The following MFHAS1 variants were observed in gnomAD, a reference collection of about 807,000 sequenced individuals.
MFHAS1 encodes multifunctional ROCO family signaling regulator 1.
A neutral mutation model predicts 70.4 loss-of-function variants in MFHAS1; 50 were observed. That is an observed-to-expected ratio of 0.71 (90% CI 0.57 to 0.90). The LOEUF (loss-of-function observed/expected upper bound fraction) is 0.90. MFHAS1 is among the 40% of genes least tolerant of loss of function. The probability of loss-of-function intolerance (pLI) is 0.00; values close to 1 mark genes in which losing one functional copy is unlikely to be tolerated. For missense variants in MFHAS1, 1,795 were observed against 1,347.6 expected, an observed-to-expected ratio of 1.33 and a Z score of -5.20; for synonymous variants, 952 against 620.0, an observed-to-expected ratio of 1.54 and a Z score of -7.96.
intron 1 of MFHAS1, among the ~76,000 whole-genome samples, chr8:8,840,773 T>G (rs1470115061): frequency 6.6e-6 from 1 of 152,208 alleles, no homozygotes; most frequent in Non-Finnish European, 1.5e-5. Flanking sequence ...TCGAATTCTA[T>G]GTACTGGATG....
intron 1 of MFHAS1, among the ~76,000 whole-genome samples, chr8:8,810,697 C>T (rs1379107270): frequency 6.6e-6 from 1 of 152,104 alleles, no homozygotes; most frequent in African/African-American, 2.4e-5. Flanking sequence ...TGATGTTATC[C>T]GTTAAGGCTT....
At chr8:8,853,715 C>A (rs964588326) in intron 1 of MFHAS1, among the ~76,000 whole-genome samples, 2 of 152,106 alleles carry the variant, frequency 1.3e-5, no homozygotes. Flanking sequence ...TACAGCTATG[C>A]GCCACCACTC....
At chr8:8,858,831 C>A (rs926942147) in intron 1 of MFHAS1, among the ~76,000 whole-genome samples, 1 of 151,980 alleles carries the variant, frequency 6.6e-6, no homozygotes, top group Non-Finnish European at 1.5e-5. Flanking sequence ...ATGATTCAGA[C>A]CAAAATAGAA....
intron 1 of MFHAS1, among the ~76,000 whole-genome samples, chr8:8,883,940 C>G (rs1304004494): frequency 1.3e-5 from 2 of 151,210 alleles, no homozygotes; most frequent in African/African-American, 4.9e-5. Context: ...GCTCACGCCT[C>G]TAATCCCAAC....
chr8:8,810,357 C>A (rs1806500357), intron 1 of MFHAS1, among the ~76,000 whole-genome samples: 3 of 152,332 alleles, frequency 2.0e-5, no homozygotes, highest in African/African-American at 7.2e-5. Context: ...CAAAGCAAGA[C>A]CGTCTTGGGA....
chr8:8,865,832 C>T (rs1358780817), intron 1 of MFHAS1, among the ~76,000 whole-genome samples: 3 of 152,150 alleles, frequency 2.0e-5, no homozygotes, highest in Non-Finnish European at 4.4e-5. Context: ...GGTCAGAAGC[C>T]TGGTTGATGT....
rs556845386 is a variant in MFHAS1, at chr8:8,889,743, T to G, written c.2998+318A>C. ...CATCGGACACTGTCCAGAATCTATCTGTTCAACCACCTGAAATTTCCTTCC... is the reference window on the plus strand; with the variant it reads ...CATCGGACACTGTCCAGAATCTATCGGTTCAACCACCTGAAATTTCCTTCC... On this transcript the variant is annotated intron_variant, in intron 1 of 2. Transcript: ENST00000276282. 5.3e-5 allele frequency among the ~76,000 whole-genome samples: 8 copies of G among 152,350 alleles called. No homozygotes were observed. In the South Asian group the frequency reaches 1.7e-3, roughly 32 times the overall value.
At chr8:8,881,182 CT>C (rs1809509419) in intron 1 of MFHAS1, among the ~76,000 whole-genome samples, 1 of 152,176 alleles carries the variant, frequency 6.6e-6, no homozygotes, top group East Asian at 1.9e-4. Flanking sequence ...TAAATTTACT[CT>C]TTTAATAAAC....
chr8:8,862,964 G>T (rs1294498377), intron 1 of MFHAS1, among the ~76,000 whole-genome samples: 1 of 152,300 alleles, frequency 6.6e-6, no homozygotes, highest in African/African-American at 2.4e-5. Flanking sequence ...TCCTTGGTAA[G>T]ACTGTATATT....
At chr8:8,822,131 C>CCT (rs1806979182) in intron 1 of MFHAS1, 1 of 152,188 alleles carries the variant, frequency 6.6e-6, no homozygotes, top group Non-Finnish European at 1.5e-5. Context: ...GCAGCCAATT[C>CCT]CTCTGTGCGG....
At chr8:8,850,555 C>G (rs1270716530) in intron 1 of MFHAS1, among the ~76,000 whole-genome samples, 1 of 152,128 alleles carries the variant, frequency 6.6e-6, no homozygotes, top group Non-Finnish European at 1.5e-5. Flanking sequence ...AATCAGAACA[C>G]CCAGGGTCGG....
At chr8:8,866,395 C>A (rs766324068) in intron 1 of MFHAS1, among the ~76,000 whole-genome samples, 1 of 151,696 alleles carries the variant, frequency 6.6e-6, no homozygotes, top group South Asian at 2.1e-4. Context: ...CTCAGCTCAC[C>A]GTAGCCTCTG....
intron 2 of MFHAS1, among the ~76,000 whole-genome samples, chr8:8,795,356 A>C (rs768722062): frequency 6.6e-6 from 1 of 152,214 alleles, no homozygotes; most frequent in Non-Finnish European, 1.5e-5. Flanking sequence ...TGTTCAGGAC[A>C]GGGGATATTC....
Position 8,892,984 on chromosome 8 carries a change from C to T in MFHAS1, c.75G>A (p.Leu25=). 6.5e-7 allele frequency: 1 copy of T among 1,538,418 alleles called. No individual in the cohort carries two copies. The part of the protein sequence containing the change: ...WRDAALRARK[L]RSNLRQLTLT... The stretch of plus-strand genomic sequence containing the variant: ...GCGTGAGCTGGCGCAGGTTGCTCCG[C>T]AGCTTCCTGGCACGCAGGGCGGCGT... The change falls in exon 1 of 3, where the codon CTG becomes CTA. Residue 25 remains leucine, a synonymous_variant. Transcript: ENST00000276282. This position sits in a 1 kb window ranked among gnomAD's most constrained non-coding sequence, Gnocchi z 4.7.
At chr8:8,860,199 C>T (rs1808608963) in intron 1 of MFHAS1, among the ~76,000 whole-genome samples, 1 of 152,150 alleles carries the variant, frequency 6.6e-6, no homozygotes, top group Non-Finnish European at 1.5e-5. Context: ...GAGCACAGAA[C>T]AAAAGATGGA....
At chr8:8,834,663 A>G (rs1318893526) in intron 1 of MFHAS1, among the ~76,000 whole-genome samples, 1 of 152,228 alleles carries the variant, frequency 6.6e-6, no homozygotes, top group Admixed American at 6.5e-5. Flanking sequence ...GGTCCACTCT[A>G]TGATGTTCAT....
intron 1 of MFHAS1, among the ~76,000 whole-genome samples, chr8:8,822,957 C>T (rs978561858): frequency 1.3e-5 from 2 of 151,988 alleles, no homozygotes; most frequent in East Asian, 1.9e-4. Context: ...AGGCTGGTGG[C>T]GGGAAGGGAG....
chr8:8,890,818 C>T lies in MFHAS1; in HGVS notation c.2241G>A (p.Leu747=), dbSNP rs749257203. 1.2e-6 allele frequency: 2 copies of T among 1,614,090 alleles called. No homozygotes were observed. The highest frequency in any genetic ancestry group is 2.7e-5 in the African/African-American group (2 of 74,936). ...TCCCTAGGAGCAGCTTATGCAGCAG[C>T]AAAGAGGGATCCCTCTGGAAGAAGA... is the stretch of plus-strand genomic sequence containing the variant. ...LNVFFQRDPS[L]LLHKLLLGTS... is the part of the protein sequence containing the mutation. Residue 747 remains leucine, a synonymous_variant, in exon 1 of 3, where the codon TTG becomes TTA. Transcript: ENST00000276282.
At chr8:8,855,273 G>C (rs1418226305) in intron 1 of MFHAS1, among the ~76,000 whole-genome samples, 1 of 152,148 alleles carries the variant, frequency 6.6e-6, no homozygotes, top group Non-Finnish European at 1.5e-5. Flanking sequence ...ATTTTATCTG[G>C]CAATCTTAAC....
Sources: gnomAD v4.1 joint callset for allele counts (sites outside exome capture counted in the v4.1 genomes callset) on GRCh38, gnomAD v4.1.1 for gene constraint, Gnocchi (gnomAD v3.1) non-coding constraint, MANE v1.5 for transcripts, NCBI Gene and HGNC (gene_info 2026-07-23, HGNC 2026-07-21) for gene names.